The following PLEKHA7 variants were observed in gnomAD, a reference collection of about 807,000 sequenced individuals.
PLEKHA7 encodes the protein pleckstrin homology domain containing A7.
In PLEKHA7, 104 loss-of-function variants were observed where a neutral mutation model predicts 170.0. The ratio of observed to expected loss-of-function variants is 0.61; its 90% CI spans 0.52 to 0.72. PLEKHA7 has a LOEUF of 0.72. Among genes scored for constraint, PLEKHA7 ranks in the 30% least tolerant of loss-of-function variants. PLEKHA7 has a pLI of 0.00. For synonymous variants in PLEKHA7, 648 were observed against 660.8 expected (o/e 0.98, Z 0.30); for missense variants, 1,615 against 1,671.7 (o/e 0.97, Z 0.59).
At chr11:17,012,593 T>C (rs1370288920) in intron 3 of PLEKHA7, among the ~76,000 whole-genome samples, 2 of 152,214 alleles carry the variant, frequency 1.3e-5, no homozygotes, top group East Asian at 1.9e-4. Context: ...TCTGATATTA[T>C]TATTTGTGTT....
At chr11:16,986,887 G>C (rs936136120) in intron 3 of PLEKHA7, among the ~76,000 whole-genome samples, 17 of 152,200 alleles carry the variant, frequency 1.1e-4, no homozygotes, top group African/African-American at 4.1e-4. Context: ...AAAGGGGCAG[G>C]CCGAGCCCCT....
intron 10 of PLEKHA7, among the ~76,000 whole-genome samples, chr11:16,823,377 G>A (rs4756865): frequency 0.32 from 47,935 of 151,864 alleles, 8,069 homozygotes; most frequent in East Asian, 0.46. Context: ...AATCTCTGGC[G>A]TTGGGCCTCA....
At chr11:16,795,613 A>C (rs1848168360) in intron 17 of PLEKHA7, among the ~76,000 whole-genome samples, 1 of 151,766 alleles carries the variant, frequency 6.6e-6, no homozygotes, top group Non-Finnish European at 1.5e-5. Flanking sequence ...AACATGTGAA[A>C]CCCCATCTCT....
intron 10 of PLEKHA7, among the ~76,000 whole-genome samples, chr11:16,825,262 C>G (rs184854930): frequency 1.3e-5 from 2 of 152,368 alleles, no homozygotes; most frequent in East Asian, 3.9e-4. Flanking sequence ...GGTAGAAAGT[C>G]TGGGCCTGGC....
intron 13 of PLEKHA7, among the ~76,000 whole-genome samples, chr11:16,803,806 G>C (rs1377992251): frequency 6.6e-6 from 1 of 152,204 alleles, no homozygotes; most frequent in African/African-American, 2.4e-5. Flanking sequence ...CCGTGGGTAA[G>C]GCCAGCCTTC....
intron 3 of PLEKHA7, among the ~76,000 whole-genome samples, chr11:16,931,193 C>T (rs1361244108): frequency 6.6e-6 from 1 of 151,994 alleles, no homozygotes; most frequent in Non-Finnish European, 1.5e-5. Flanking sequence ...ATATTTTAAC[C>T]AGAACAACCC....
chr11:17,004,740 C>T (rs1457885569), intron 3 of PLEKHA7, among the ~76,000 whole-genome samples: 1 of 152,044 alleles, frequency 6.6e-6, no homozygotes, highest in Non-Finnish European at 1.5e-5. Flanking sequence ...AGCCCAAATT[C>T]CCGCACTAAA....
At chr11:16,882,860 T>TCACACACACACACACA (rs768102944) in intron 3 of PLEKHA7, among the ~76,000 whole-genome samples, 9 of 151,844 alleles carry the variant, frequency 5.9e-5, no homozygotes, top group African/African-American at 2.2e-4. Flanking sequence ...ATACACATAT[T>TCACACACACACACACA]CACACACACA....
intron 13 of PLEKHA7, chr11:16,807,012 A>G (rs1590182128): frequency 4.2e-6 from 1 of 240,564 alleles, no homozygotes; most frequent in East Asian, 1.8e-4. Flanking sequence ...AGTTGAAAGA[A>G]AATAAACCAA....
At chr11:17,001,946 T>C (rs1419346234) in intron 3 of PLEKHA7, among the ~76,000 whole-genome samples, 1 of 152,232 alleles carries the variant, frequency 6.6e-6, no homozygotes, top group Non-Finnish European at 1.5e-5. Flanking sequence ...GGAAATGCTC[T>C]TCTGGCAGGA....
intron 3 of PLEKHA7, among the ~76,000 whole-genome samples, chr11:16,987,058 T>C (rs11024102): frequency 0.21 from 31,923 of 152,130 alleles, 4,242 homozygotes; most frequent in East Asian, 0.39. Context: ...ATCAAATTAA[T>C]TGCCCCAAAT....
At chr11:16,780,118 T>C (rs1378753882) in intron 26 of PLEKHA7, among the ~76,000 whole-genome samples, 1 of 152,046 alleles carries the variant, frequency 6.6e-6, no homozygotes, top group Non-Finnish European at 1.5e-5. Context: ...CCCTGCAAAA[T>C]GATAGTGGGA....
At chr11:16,827,814 G>A (rs1352831664) in intron 9 of PLEKHA7, among the ~76,000 whole-genome samples, 3 of 136,876 alleles carry the variant, frequency 2.2e-5, no homozygotes, top group Non-Finnish European at 4.6e-5. Context: ...AGCTGGTTTA[G>A]CTATACTCCA....
At chr11:16,824,491 AT>A (rs763118248) in intron 10 of PLEKHA7, among the ~76,000 whole-genome samples, 11 of 152,264 alleles carry the variant, frequency 7.2e-5, no homozygotes, top group Non-Finnish European at 1.5e-4. Context: ...GCATGCCTGT[AT>A]CAAAAGATCT....
chr11:16,784,827 A>T (rs1048243141), intron 24 of PLEKHA7, among the ~76,000 whole-genome samples: 2 of 152,228 alleles, frequency 1.3e-5, no homozygotes, highest in Non-Finnish European at 2.9e-5. Context: ...GATTTAGAGG[A>T]AGGAAGCAGA....
At chr11:16,803,129 T>G in intron 14 of PLEKHA7, 77 bp from the exon 15 acceptor site, 3 of 1,562,780 alleles carry the variant, frequency 1.9e-6, no homozygotes, top group Non-Finnish European at 2.6e-6. Flanking sequence ...TCAGACAGCC[T>G]TTGGCTACAG....
rs35688955 is a variant in PLEKHA7 at position 16,795,872 on chromosome 11, T to TTTG, written c.2410-855_2410-854insCAA. ...TTTCCTTTTTTTTTTTTTTTTTTTTTGAGATGGAGTTTCACTCCTGTTGCC... is the reference window on the plus strand; with the variant it reads ...TTTCCTTTTTTTTTTTTTTTTTTTTTTTGGAGATGGAGTTTCACTCCTGTTGCC... On this transcript the variant is annotated intron_variant, in intron 17 of 26. Transcript: ENST00000531066. Among the ~76,000 whole-genome samples, 7 of 144,414 alleles carry TTTG rather than the reference T, an allele frequency of 4.8e-5. No individual in the cohort carries two copies. In the East Asian group the frequency reaches 8.0e-4, roughly 17 times the overall value. 94.7% of individuals were successfully genotyped at this position (144,414 alleles called of 152,430 possible).
intron 3 of PLEKHA7, among the ~76,000 whole-genome samples, chr11:16,993,089 A>G (rs1864141625): frequency 6.6e-6 from 1 of 152,004 alleles, no homozygotes; most frequent in Non-Finnish European, 1.5e-5. Flanking sequence ...GGAGACCCTC[A>G]GCTCTCTCTC....
chr11:16,827,112 G>A (rs1271817079), intron 9 of PLEKHA7, among the ~76,000 whole-genome samples: 4 of 152,124 alleles, frequency 2.6e-5, no homozygotes, highest in Admixed American at 2.0e-4. Context: ...GTCCATTTGG[G>A]GCTTAAATGG....
Sources: allele counts gnomAD v4.1 joint callset (sites outside exome capture counted in the v4.1 genomes callset), GRCh38; gene constraint gnomAD v4.1.1; transcripts MANE v1.5; gene names NCBI Gene and HGNC (gene_info 2026-07-23, HGNC 2026-07-21).